MET: variants seen among roughly 807,000 people sequenced by gnomAD.
The protein encoded by MET is MET proto-oncogene, receptor tyrosine kinase.
In MET, 48 loss-of-function variants were observed where a neutral mutation model predicts 133.1. The ratio of observed to expected loss-of-function variants is 0.36; its 90% CI spans 0.29 to 0.46. The LOEUF is 0.46. Among genes scored for constraint, MET ranks in the 20% least tolerant of loss-of-function variants. MET has a pLI of 1.00. For missense variants in MET, 1,442 were observed against 1,695.9 expected (o/e 0.85, Z 2.63); for synonymous variants, 628 against 616.5 (o/e 1.02, Z -0.28).
chr7:116,682,545 T>C (rs965842534), intron 1 of MET, among the ~76,000 whole-genome samples: 2 of 152,214 alleles, frequency 1.3e-5, no homozygotes, highest in African/African-American at 2.4e-5. Context: ...ATAGACCTGA[T>C]GAATTATATA....
intron 17 of MET, 122 bp from the exon 18 acceptor site, chr7:116,781,866 T>C (rs1321617672): frequency 1.4e-6 from 1 of 740,272 alleles, no homozygotes; most frequent in African/African-American, 1.7e-5. Context: ...GCTTGAGCCA[T>C]TAAGACCAAA....
intron 16 of MET, among the ~76,000 whole-genome samples, chr7:116,778,167 C>T (rs1795050601): frequency 6.6e-6 from 1 of 152,198 alleles, no homozygotes; most frequent in African/African-American, 2.4e-5. Context: ...CCATAAATTA[C>T]TATATTACAC....
intron 2 of MET, among the ~76,000 whole-genome samples, chr7:116,704,682 T>C (rs564311728): frequency 6.6e-6 from 1 of 152,118 alleles, no homozygotes; most frequent in African/African-American, 2.4e-5. Context: ...GTGGTGGTAG[T>C]TTGAGGGGGC....
At chr7:116,765,399 C>T (rs2116966240) in intron 11 of MET, among the ~76,000 whole-genome samples, 1 of 151,962 alleles carries the variant, frequency 6.6e-6, no homozygotes, top group East Asian at 1.9e-4. Context: ...TCATGCTCCT[C>T]ATGCAGCCAT....
At chr7:116,764,516 C>T (rs747878642) in intron 11 of MET, among the ~76,000 whole-genome samples, 2 of 151,998 alleles carry the variant, frequency 1.3e-5, no homozygotes, top group Non-Finnish European at 2.9e-5. Context: ...GTTTTACACT[C>T]ACAGAAACTC....
chr7:116,772,449 T>C (rs942077373), intron 14 of MET, among the ~76,000 whole-genome samples: 1 of 152,216 alleles, frequency 6.6e-6, no homozygotes, highest in African/African-American at 2.4e-5. Flanking sequence ...TTTCCCACCA[T>C]ATTCTAGGAC....
At chr7:116,729,470 G>T (rs1179110414) in intron 2 of MET, among the ~76,000 whole-genome samples, 1 of 152,142 alleles carries the variant, frequency 6.6e-6, no homozygotes, top group Non-Finnish European at 1.5e-5. Flanking sequence ...CTATACAGAA[G>T]GATAACTAAA....
In MET at chr7:116,730,536, C is replaced by G. The variant is rs551956067; in HGVS notation, c.1201-1132C>G. On this transcript the variant is annotated intron_variant, in intron 2 of 20. Coordinates refer to ENST00000397752, the MANE Select transcript of MET (RefSeq NM_000245.4). ...GGATGTGGTGGGTCTAGTTAAGAAGCCGCCGCAGTAGTCCAGGAAGGAATG... is the reference window on the plus strand; with the variant it reads ...GGATGTGGTGGGTCTAGTTAAGAAGGCGCCGCAGTAGTCCAGGAAGGAATG... Among the ~76,000 whole-genome samples, 7 of 152,234 alleles carry G rather than the reference C, an allele frequency of 4.6e-5. No homozygotes were observed. The East Asian group carries it at 1.2e-3, about 25-fold the overall frequency.
chr7:116,775,604 G>A (rs779604155), intron 15 of MET, among the ~76,000 whole-genome samples: 2 of 152,186 alleles, frequency 1.3e-5, no homozygotes, highest in Non-Finnish European at 2.9e-5. Flanking sequence ...TACTGGGGAG[G>A]CTGAAGCAAG....
chr7:116,707,271 A>G lies in MET; in HGVS notation c.1200+6987A>G, dbSNP rs184325106. Among the ~76,000 whole-genome samples, 62 of 152,254 alleles carry G rather than the reference A, an allele frequency of 4.1e-4. 1 individual carries two copies. Among genetic ancestry groups the G allele is most frequent in the Admixed American group, 3.9e-3 (60 of 15,288 alleles). On this transcript the variant is annotated intron_variant, in intron 2 of 20. Transcript: ENST00000397752. ...AAATGGGGAAAAATGATTTATGAAC[A>G]GTATAACTATAAAACAAACAAAAAA... is the stretch of plus-strand genomic sequence containing the variant.
chr7:116,764,824 GT>G (rs1794560419), intron 11 of MET, among the ~76,000 whole-genome samples: 2 of 152,128 alleles, frequency 1.3e-5, no homozygotes, highest in South Asian at 4.1e-4. Context: ...CACCTGCCAC[GT>G]GACAGAATAG....
At chr7:116,714,412 C>T (rs1351704846) in intron 2 of MET, among the ~76,000 whole-genome samples, 2 of 151,990 alleles carry the variant, frequency 1.3e-5, no homozygotes, top group Non-Finnish European at 2.9e-5. Context: ...TTTACTAATC[C>T]AGCTTCCATT....
rs577201178 is a variant in MET, at chr7:116,729,088, T to C, written c.1201-2580T>C. ...CTGGCTATCTCTGCAAAATGGATGA[T>C]TGATCACCAATAGAAACTTAATTAT... On this transcript the variant is annotated intron_variant, in intron 2 of 20. Coordinates refer to ENST00000397752, the MANE Select transcript of MET (RefSeq NM_000245.4). Among the ~76,000 whole-genome samples, 7 of 152,382 alleles carry C rather than the reference T, an allele frequency of 4.6e-5. No homozygotes were observed. In the South Asian group the frequency reaches 1.0e-3, roughly 23 times the overall value.
At chr7:116,681,247 T>C (rs1796347559) in intron 1 of MET, among the ~76,000 whole-genome samples, 1 of 152,166 alleles carries the variant, frequency 6.6e-6, no homozygotes, top group East Asian at 1.9e-4. Flanking sequence ...AGCACTCTGT[T>C]ATCTACTCCC....
intron 3 of MET, 142 bp from the exon 4 acceptor site, chr7:116,739,808 A>G: frequency 6.0e-6 from 7 of 1,161,678 alleles, no homozygotes; most frequent in Non-Finnish European, 9.0e-6. Context: ...ATATTGATTT[A>G]CAATGAGGGG....
intron 1 of MET, among the ~76,000 whole-genome samples, chr7:116,682,025 T>C (rs1472030890): frequency 2.0e-5 from 3 of 152,208 alleles, no homozygotes; most frequent in African/African-American, 7.2e-5. Flanking sequence ...AATTAAGATA[T>C]TTCTAAATTT....
rs1796289772 is a variant in MET, at chr7:116,679,959, C to A, written c.-15+7382C>A. Among the ~76,000 whole-genome samples the A allele has an allele frequency of 2.0e-5, 3 of 152,090 alleles. No homozygotes were observed. In the South Asian group the frequency reaches 6.2e-4, roughly 31 times the overall value. On this transcript the variant is annotated intron_variant, in intron 1 of 20. Transcript: ENST00000397752. ...ATAGGCATTGAGATCTTTCTTGATACCATATTGTGAATTTCTAATGGCTCA... is the reference window on the plus strand; with the variant it reads ...ATAGGCATTGAGATCTTTCTTGATAACATATTGTGAATTTCTAATGGCTCA...
intron 2 of MET, among the ~76,000 whole-genome samples, chr7:116,708,900 A>T (rs1336719624): frequency 6.6e-6 from 1 of 152,192 alleles, no homozygotes; most frequent in African/African-American, 2.4e-5. Context: ...ACACAAAATA[A>T]GCTCTTTTGA....
chr7:116,713,245 A>G (rs950135613), intron 2 of MET, among the ~76,000 whole-genome samples: 1 of 152,106 alleles, frequency 6.6e-6, no homozygotes, highest in Admixed American at 6.5e-5. Flanking sequence ...AATACAAAAA[A>G]TTAGCCGGGG....
Sources: allele counts gnomAD v4.1 joint callset (sites outside exome capture counted in the v4.1 genomes callset), GRCh38; gene constraint gnomAD v4.1.1; transcripts MANE v1.5; gene names NCBI Gene and HGNC (gene_info 2026-07-23, HGNC 2026-07-21).